The following STK32B variants were observed in gnomAD, a reference collection of about 807,000 sequenced individuals.
The protein encoded by STK32B is serine/threonine kinase 32B.
STK32B carries 43 observed loss-of-function variants against 52.6 expected under a neutral mutation model. The observed-to-expected ratio is 0.82, with a 90% confidence interval of 0.64 to 1.05. The LOEUF is 1.05. STK32B is among the 50% of genes least tolerant of loss of function. The probability of loss-of-function intolerance (pLI) is 0.00; values close to 1 mark genes in which losing one functional copy is unlikely to be tolerated. For synonymous variants in STK32B, 238 were observed against 204.3 expected (o/e 1.17, Z -1.41); for missense variants, 621 against 534.6 (o/e 1.16, Z -1.59).
intron 11 of STK32B, among the ~76,000 whole-genome samples, chr4:5,494,850 G>A (rs1033597451): frequency 6.6e-6 from 1 of 152,170 alleles, no homozygotes; most frequent in Non-Finnish European, 1.5e-5. Context: ...AGTTTGGCGG[G>A]ATATGAAATT....
chr4:5,272,710 T>A (rs1727527577), intron 3 of STK32B, among the ~76,000 whole-genome samples: 2 of 151,290 alleles, frequency 1.3e-5, no homozygotes, highest in African/African-American at 4.9e-5. Context: ...ATCTGATCTT[T>A]GACAAACCTG....
chr4:5,383,344 A>C (rs904704807), intron 4 of STK32B, among the ~76,000 whole-genome samples: 4 of 152,184 alleles, frequency 2.6e-5, no homozygotes, highest in Non-Finnish European at 5.9e-5. Context: ...CTGGGACTCA[A>C]CAGCTGTGAC....
intron 7 of STK32B, among the ~76,000 whole-genome samples, chr4:5,455,174 C>T (rs148969371): frequency 6.6e-6 from 1 of 152,188 alleles, no homozygotes; most frequent in African/African-American, 2.4e-5. Context: ...TAAAGGTGTC[C>T]CTTCACTCCA....
the STK32B span, chr4:5,019,423 G>C: frequency 1.3e-6 from 2 of 1,483,676 alleles, no homozygotes; most frequent in Non-Finnish European, 1.8e-6. Context: ...CAGCAGCACG[G>C]GCAGAGGCCC....
intron 3 of STK32B, among the ~76,000 whole-genome samples, chr4:5,305,248 G>A (rs1202272345): frequency 1.3e-5 from 2 of 150,052 alleles, no homozygotes; most frequent in Non-Finnish European, 3.0e-5. Flanking sequence ...TTTTGGAATA[G>A]TGTCTCAGTA....
chr4:5,138,375 A>G (rs1716204176), intron 1 of STK32B, among the ~76,000 whole-genome samples: 1 of 152,150 alleles, frequency 6.6e-6, no homozygotes, highest in Non-Finnish European at 1.5e-5. Flanking sequence ...TGGTGAACTA[A>G]TCAATTCACT....
intron 4 of STK32B, among the ~76,000 whole-genome samples, chr4:5,340,335 A>C (rs1381846518): frequency 6.6e-6 from 1 of 152,240 alleles, no homozygotes; most frequent in African/African-American, 2.4e-5. Context: ...CGAGTTGGCA[A>C]GTAAGGCTTC....
intron 11 of STK32B, among the ~76,000 whole-genome samples, chr4:5,496,175 C>G (rs917144130): frequency 6.6e-6 from 1 of 152,220 alleles, no homozygotes; most frequent in Non-Finnish European, 1.5e-5. Flanking sequence ...TGCCCTGCCC[C>G]CAGAGGTGGA....
At chr4:5,197,280 C>G (rs1335598711) in intron 3 of STK32B, among the ~76,000 whole-genome samples, 2 of 152,196 alleles carry the variant, frequency 1.3e-5, no homozygotes, top group East Asian at 1.9e-4. Flanking sequence ...CTGTAGATCA[C>G]TCATGTCTGG....
chr4:5,050,265 C>T (rs1032216113), upstream of STK32B, among the ~76,000 whole-genome samples: 1 of 152,128 alleles, frequency 6.6e-6, no homozygotes, highest in Non-Finnish European at 1.5e-5. Context: ...ACAGACAACC[C>T]AAGGAGTTAA....
intron 6 of STK32B, among the ~76,000 whole-genome samples, chr4:5,421,976 T>A (rs983566478): frequency 7.9e-5 from 12 of 152,212 alleles, no homozygotes; most frequent in African/African-American, 2.7e-4. Flanking sequence ...TACACCAAGC[T>A]GCCTTTTTGA....
chr4:5,072,515 C>G (rs921560979), intron 1 of STK32B, among the ~76,000 whole-genome samples: 1 of 152,116 alleles, frequency 6.6e-6, no homozygotes, highest in African/African-American at 2.4e-5. Flanking sequence ...ATCTTTCAAC[C>G]TCATCATTTC....
chr4:5,079,979 G>T (rs1362529598), intron 1 of STK32B, among the ~76,000 whole-genome samples: 1 of 152,134 alleles, frequency 6.6e-6, no homozygotes, highest in Non-Finnish European at 1.5e-5. Flanking sequence ...AATATAGGGG[G>T]CTGTTGGCTA....
At chr4:5,490,996 T>A (rs1225530344) in intron 11 of STK32B, among the ~76,000 whole-genome samples, 1 of 152,202 alleles carries the variant, frequency 6.6e-6, no homozygotes, top group African/African-American at 2.4e-5. Flanking sequence ...GGGTTGGTTC[T>A]AAGTCTTTGC....
chr4:5,475,135 A>C (rs949742414), intron 11 of STK32B, among the ~76,000 whole-genome samples: 3 of 152,110 alleles, frequency 2.0e-5, no homozygotes, highest in East Asian at 1.9e-4. Context: ...CGGTTTAAAA[A>C]GTGTGGCCAG....
intron 4 of STK32B, among the ~76,000 whole-genome samples, chr4:5,335,719 C>T (rs2108961647): frequency 6.6e-6 from 1 of 151,860 alleles, no homozygotes; most frequent in South Asian, 2.1e-4. Flanking sequence ...TTTATTTCTG[C>T]CTTCATTTCG....
chr4:5,056,517 C>T (rs573131158), intron 1 of STK32B, among the ~76,000 whole-genome samples: 1 of 152,216 alleles, frequency 6.6e-6, no homozygotes, highest in Admixed American at 6.5e-5. Flanking sequence ...AGCAGGCTCC[C>T]CATAATATCA....
chr4:5,154,487 T>C (rs535320009), intron 2 of STK32B, among the ~76,000 whole-genome samples: 2 of 152,306 alleles, frequency 1.3e-5, no homozygotes, highest in African/African-American at 4.8e-5. Context: ...AGTGCTGGGA[T>C]TACAGGCGTG....
At chr4:5,158,918 C>T (rs1276751266) in intron 2 of STK32B, among the ~76,000 whole-genome samples, 1 of 152,208 alleles carries the variant, frequency 6.6e-6, no homozygotes, top group Non-Finnish European at 1.5e-5. Context: ...AGGACTGCAG[C>T]ATATGAATTT....
Sources: allele counts gnomAD v4.1 joint callset (sites outside exome capture counted in the v4.1 genomes callset), GRCh38; gene constraint gnomAD v4.1.1; transcripts MANE v1.5; gene names NCBI Gene and HGNC (gene_info 2026-07-23, HGNC 2026-07-21).